Variants in UBE2L3 observed in about 807,000 individuals in gnomAD.
The protein encoded by UBE2L3 is ubiquitin-conjugating enzyme E2 L3.
A neutral mutation model predicts 17.8 loss-of-function variants in UBE2L3; 1 was observed. That is an observed-to-expected ratio of 0.06 (90% CI 0.02 to 0.27). The LOEUF is 0.27. Among genes scored for constraint, UBE2L3 ranks in the 10% least tolerant of loss-of-function variants. UBE2L3 has a pLI of 1.00. For missense variants in UBE2L3, 40 were observed against 192.6 expected (o/e 0.21, Z 4.69); for synonymous variants, 44 against 68.5 (o/e 0.64, Z 1.76).
At chr22:21,606,945 G>T (rs1929207178) in intron 2 of UBE2L3, among the ~76,000 whole-genome samples, 1 of 152,200 alleles carries the variant, frequency 6.6e-6, no homozygotes, top group Non-Finnish European at 1.5e-5. Context: ...CTCCTGTCTT[G>T]CTCTATGCTA....
chr22:21,579,620 G>C (rs1427113018), intron 1 of UBE2L3, among the ~76,000 whole-genome samples: 4 of 151,916 alleles, frequency 2.6e-5, no homozygotes, highest in African/African-American at 9.7e-5. Context: ...AAAATAAAAT[G>C]ATTAACTGGG....
At chr22:21,596,761 A>G (rs1315681894) in intron 2 of UBE2L3, among the ~76,000 whole-genome samples, 5 of 152,212 alleles carry the variant, frequency 3.3e-5, no homozygotes, top group Non-Finnish European at 5.9e-5. Flanking sequence ...TGCTGGGATT[A>G]TAGGCATAAG....
intron 1 of UBE2L3, among the ~76,000 whole-genome samples, chr22:21,587,052 AT>A (rs1484188728): frequency 1.3e-5 from 2 of 149,616 alleles, no homozygotes; most frequent in African/African-American, 5.0e-5. Flanking sequence ...TGCCTGGCTA[AT>A]TTTTGTATTT....
intron 2 of UBE2L3, among the ~76,000 whole-genome samples, chr22:21,596,260 G>A (rs1928517337): frequency 1.3e-5 from 2 of 152,090 alleles, no homozygotes; most frequent in Admixed American, 6.5e-5. Context: ...GGGTGCAGTG[G>A]TGTGATCATG....
intron 2 of UBE2L3, among the ~76,000 whole-genome samples, chr22:21,606,169 G>A (rs1929147902): frequency 6.6e-6 from 1 of 152,242 alleles, no homozygotes; most frequent in Non-Finnish European, 1.5e-5. Flanking sequence ...CCTCATTCAT[G>A]CTTCACCCCA....
chr22:21,572,409 C>T (rs112878205), intron 1 of UBE2L3, among the ~76,000 whole-genome samples: 4 of 110,580 alleles, frequency 3.6e-5, no homozygotes, highest in African/African-American at 7.4e-5. Flanking sequence ...CATTCCAGTG[C>T]GAGACTCCGT....
At chr22:21,619,686 A>G (rs1468454531) in intron 3 of UBE2L3, among the ~76,000 whole-genome samples, 2 of 152,116 alleles carry the variant, frequency 1.3e-5, no homozygotes, top group Non-Finnish European at 2.9e-5. Flanking sequence ...CAGCATCAGC[A>G]TTTTGTTTTA....
At chr22:21,594,513 CTT>C (rs879434060) in intron 2 of UBE2L3, among the ~76,000 whole-genome samples, 1 of 143,446 alleles carries the variant, frequency 7.0e-6, no homozygotes, top group Non-Finnish European at 1.5e-5. Flanking sequence ...TAAGGTCATG[CTT>C]TTTTTTTTTT....
chr22:21,560,446 A>ATTTTTTT (rs59968738), intron 1 of UBE2L3, among the ~76,000 whole-genome samples: 4 of 126,246 alleles, frequency 3.2e-5, no homozygotes, highest in Non-Finnish European at 6.6e-5. Flanking sequence ...CTTTAGATCT[A>ATTTTTTT]TTTTTTTTTT....
chr22:21,574,217 A>G (rs1051838155), intron 1 of UBE2L3, among the ~76,000 whole-genome samples: 4 of 152,186 alleles, frequency 2.6e-5, no homozygotes, highest in Non-Finnish European at 2.9e-5. Context: ...GCTCAGAGCA[A>G]AGCTGTTTAG....
chr22:21,603,703 T>C (rs5754323), intron 2 of UBE2L3, among the ~76,000 whole-genome samples: 47,467 of 149,298 alleles, frequency 0.32, 8,712 homozygotes, highest in East Asian at 0.52. Flanking sequence ...ATTAGCCGGG[T>C]GTGGTGGTGG....
intron 1 of UBE2L3, among the ~76,000 whole-genome samples, chr22:21,577,656 C>T (rs1044269909): frequency 6.4e-4 from 98 of 152,256 alleles, no homozygotes; most frequent in African/African-American, 2.3e-3. Context: ...TGCTTTTGGT[C>T]TTGAGGAAGG....
intron 3 of UBE2L3, among the ~76,000 whole-genome samples, chr22:21,612,676 C>T (rs145335725): frequency 0.017 from 951 of 57,178 alleles, 24 homozygotes; most frequent in African/African-American, 0.049. Context: ...TTTTTTGAGA[C>T]GGAGTCACCC....
At chr22:21,619,736 A>G (rs1339120380) in intron 3 of UBE2L3, among the ~76,000 whole-genome samples, 1 of 152,190 alleles carries the variant, frequency 6.6e-6, no homozygotes, top group African/African-American at 2.4e-5. Context: ...CTGTTGCCCA[A>G]GCTAGAGTGC....
At chr22:21,567,363 C>G (rs570541514), upstream of UBE2L3, among the ~76,000 whole-genome samples, 64 of 152,304 alleles carry the variant, frequency 4.2e-4, 1 homozygote, top group Middle Eastern at 0.01. Flanking sequence ...CCGAGTTTCA[C>G]CACGTTGGCC....
chr22:21,608,325 T>C (rs1156610215), intron 2 of UBE2L3, among the ~76,000 whole-genome samples: 3 of 152,172 alleles, frequency 2.0e-5, no homozygotes, highest in African/African-American at 4.8e-5. Context: ...TCACAGCTCA[T>C]TGCATTCTCA....
chr22:21,621,874 G>A lies in UBE2L3; in HGVS notation c.*205G>A. ...AGGATTAAAAATTTAAGATGTTCTA[G>A]TTCTGCTCTCTTTGTTTTAAAAATC... On this transcript the variant is annotated 3_prime_UTR_variant, in exon 4 of 4. Coordinates refer to ENST00000342192, the MANE Select transcript of UBE2L3 (RefSeq NM_003347.4). 1 of 499,066 alleles carries A rather than the reference G, an allele frequency of 2.0e-6. No homozygotes were observed. Among genetic ancestry groups the A allele is most frequent in the Non-Finnish European group, 3.5e-6 (1 of 286,000 alleles). 30.9% of individuals were successfully genotyped at this position (499,066 alleles called of 1,614,324 possible). A position where few individuals can be genotyped will look rare whatever the true frequency, so the allele number is the denominator to read the frequency against.
intron 2 of UBE2L3, among the ~76,000 whole-genome samples, chr22:21,594,420 A>G (rs939054406): frequency 6.6e-6 from 1 of 151,596 alleles, no homozygotes; most frequent in African/African-American, 2.4e-5. Flanking sequence ...TTCCTCCTGT[A>G]GATGCTTTCT....
chr22:21,565,754 C>CAAAA (rs131662), upstream of UBE2L3, among the ~76,000 whole-genome samples: 3,350 of 30,234 alleles, frequency 0.11, 525 homozygotes, highest in East Asian at 0.28. Context: ...AACTGTGTCT[C>CAAAA]AAAAAAAAAA....
Sources: allele counts gnomAD v4.1 joint callset (sites outside exome capture counted in the v4.1 genomes callset), GRCh38; gene constraint gnomAD v4.1.1; transcripts MANE v1.5; gene names NCBI Gene and HGNC (gene_info 2026-07-23, HGNC 2026-07-21).